Variants in RALGAPA2 observed in about 807,000 individuals in gnomAD.
The protein encoded by RALGAPA2 is Ral GTPase activating protein catalytic subunit alpha 2.
In RALGAPA2, 139 loss-of-function variants were observed where a neutral mutation model predicts 230.4. The observed-to-expected ratio is 0.60, with a 90% CI of 0.53 to 0.69. RALGAPA2 has a LOEUF of 0.69. Ranked by LOEUF, RALGAPA2 falls within the 30% of genes least tolerant of loss-of-function variation. The pLI is 0.00. For missense variants in RALGAPA2, 2,163 were observed against 2,276.0 expected (o/e 0.95, Z 1.01); for synonymous variants, 847 against 837.8 (o/e 1.01, Z -0.19).
chr20:20,405,415 G>A (rs1472720666), intron 38 of RALGAPA2, among the ~76,000 whole-genome samples: 1 of 152,180 alleles, frequency 6.6e-6, no homozygotes, highest in Non-Finnish European at 1.5e-5. Flanking sequence ...GTTGCCTGAA[G>A]TGCCCTGCAC....
chr20:20,621,878 T>C (rs753916716), intron 10 of RALGAPA2, among the ~76,000 whole-genome samples: 4 of 152,232 alleles, frequency 2.6e-5, no homozygotes, highest in Non-Finnish European at 4.4e-5. Flanking sequence ...ACCAGAGGTA[T>C]TCTTCCAAGG....
At chr20:20,558,048 A>G (rs527302482) in intron 23 of RALGAPA2, among the ~76,000 whole-genome samples, 1 of 152,190 alleles carries the variant, frequency 6.6e-6, no homozygotes, top group East Asian at 1.9e-4. Flanking sequence ...CTTGTTGCCC[A>G]GGCTGGAGTG....
At chr20:20,561,423 C>G (rs1048514506) in intron 23 of RALGAPA2, among the ~76,000 whole-genome samples, 2 of 152,352 alleles carry the variant, frequency 1.3e-5, no homozygotes, top group East Asian at 1.9e-4. Context: ...TTCATACATA[C>G]AGTGCCTTGG....
At chr20:20,472,010 T>G (rs2061552516) in intron 37 of RALGAPA2, 1 of 152,186 alleles carries the variant, frequency 6.6e-6, no homozygotes, top group African/African-American at 2.4e-5. Flanking sequence ...TTCAAATTAT[T>G]ATCAATACCA....
At chr20:20,425,422 G>C (rs142495718) in intron 37 of RALGAPA2, among the ~76,000 whole-genome samples, 2 of 152,056 alleles carry the variant, frequency 1.3e-5, no homozygotes, top group East Asian at 3.8e-4. Flanking sequence ...TCTTCTGTGC[G>C]TTTTAAAATA....
In RALGAPA2 at chr20:20,642,818, T is replaced by C. The variant is rs7269932; in HGVS notation, c.372+688A>G. Among the ~76,000 whole-genome samples the C allele has an allele frequency of 5.3e-3, 812 of 152,322 alleles. 6 individuals carry two copies. The highest frequency in any genetic ancestry group is 0.019 in the African/African-American group (774 of 41,564). On this transcript the variant is annotated intron_variant, in intron 5 of 39. Coordinates refer to ENST00000202677, the MANE Select transcript of RALGAPA2 (RefSeq NM_020343.4). ...GAGGCTGTGATTGTTTAAGCCAATG[T>C]AAACCAACCAATATATTAGCTTATT...
chr20:20,508,633 A>G (rs2062606811), intron 33 of RALGAPA2, among the ~76,000 whole-genome samples: 1 of 152,214 alleles, frequency 6.6e-6, no homozygotes, highest in Admixed American at 6.5e-5. Context: ...ATACATCAAG[A>G]GCAGTGAGAT....
rs543865440 is a variant in RALGAPA2, at chr20:20,549,733, C to T, written c.3157-2901G>A. Among the ~76,000 whole-genome samples the T allele has an allele frequency of 3.9e-5, 6 of 152,288 alleles. No individual in the cohort carries two copies. The South Asian group carries it at 1.2e-3, about 32-fold the overall frequency. ...AATAGTGGGACATCCACAAAATGCC[C>T]CACTCATTTCTAACTCAGTAGAATC... On this transcript the variant is annotated intron_variant, in intron 23 of 39. Transcript: ENST00000202677.
intron 24 of RALGAPA2, among the ~76,000 whole-genome samples, chr20:20,538,569 A>C (rs2063558704): frequency 1.3e-5 from 2 of 152,352 alleles, no homozygotes; most frequent in South Asian, 4.1e-4. Flanking sequence ...GTACACTGTG[A>C]ATTTCCAAGT....
rs558381715 is a variant in RALGAPA2, at chr20:20,537,420, G to T, written c.3286-636C>A. On this transcript the variant is annotated intron_variant, in intron 24 of 39. Coordinates refer to ENST00000202677, the MANE Select transcript of RALGAPA2 (RefSeq NM_020343.4). ...GGATCACCTGAAGTCAGGAGTTCGA[G>T]ACCAGCCTGGCCAACATGGTGAAAC... 6.0e-4 allele frequency among the ~76,000 whole-genome samples: 91 copies of T among 152,128 alleles called. 1 individual carries two copies. Among genetic ancestry groups the T allele is most frequent in the African/African-American group, 2.0e-3 (85 of 41,486 alleles).
intron 36 of RALGAPA2, among the ~76,000 whole-genome samples, chr20:20,474,042 G>A: frequency 6.6e-6 from 1 of 152,160 alleles, no homozygotes; most frequent in East Asian, 1.9e-4. Flanking sequence ...ATGACAGGCA[G>A]GAAAAGTGCT....
intron 1 of RALGAPA2, among the ~76,000 whole-genome samples, chr20:20,705,380 AT>A (rs11476695): frequency 0.082 from 12,301 of 150,774 alleles, 716 homozygotes; most frequent in East Asian, 0.17. Context: ...TAATTTCTTC[AT>A]TTTTTTTGTA....
chr20:20,481,462 T>A (rs1003854659), intron 36 of RALGAPA2, among the ~76,000 whole-genome samples: 1 of 152,188 alleles, frequency 6.6e-6, no homozygotes, highest in Non-Finnish European at 1.5e-5. Flanking sequence ...ATGAAGAATG[T>A]GCGTGGCTTA....
At chr20:20,395,115 G>A (rs1434320396) in intron 39 of RALGAPA2, among the ~76,000 whole-genome samples, 1 of 152,212 alleles carries the variant, frequency 6.6e-6, no homozygotes, top group Non-Finnish European at 1.5e-5. Context: ...CTGGAGAACA[G>A]CAGGAAGCTC....
chr20:20,690,749 G>C (rs1568759088), intron 1 of RALGAPA2, among the ~76,000 whole-genome samples: 1 of 151,856 alleles, frequency 6.6e-6, no homozygotes, highest in Non-Finnish European at 1.5e-5. Flanking sequence ...GGCCTAAGAT[G>C]AGATAGGTGG....
At position 20,508,045 on chromosome 20, in the gene RALGAPA2, T is replaced by C. The variant is rs2062586238; in HGVS notation, c.4929-2511A>G. Reference sequence around the variant, plus strand: ...TCCTTAAAAATCTAAGCTGTTTCCATTGCAGCTGTTCCTAAGTCCTTGAGC... The same window carrying C: ...TCCTTAAAAATCTAAGCTGTTTCCACTGCAGCTGTTCCTAAGTCCTTGAGC... On this transcript the variant is annotated intron_variant, in intron 33 of 39. Coordinates refer to ENST00000202677, the MANE Select transcript of RALGAPA2 (RefSeq NM_020343.4). Among the ~76,000 whole-genome samples the C allele has an allele frequency of 1.3e-5, 2 of 152,244 alleles. 1 individual carries two copies. Among genetic ancestry groups the C allele is most frequent in the South Asian group, 4.1e-4 (2 of 4,830 alleles).
chr20:20,536,529 A>C, intron 25 of RALGAPA2, 127 bp downstream of exon 25: 3 of 1,088,604 alleles, frequency 2.8e-6, no homozygotes, highest in Non-Finnish European at 3.8e-6. Context: ...ACAACTACTG[A>C]AACATTTAAA....
At chr20:20,656,788 A>G (rs1330744207) in intron 3 of RALGAPA2, among the ~76,000 whole-genome samples, 1 of 152,200 alleles carries the variant, frequency 6.6e-6, no homozygotes, top group Non-Finnish European at 1.5e-5. Flanking sequence ...GCTGGTTTAC[A>G]ACCTACAGGA....
At chr20:20,647,294 C>T (rs990674933) in intron 4 of RALGAPA2, among the ~76,000 whole-genome samples, 2 of 152,144 alleles carry the variant, frequency 1.3e-5, no homozygotes, top group African/African-American at 4.8e-5. Flanking sequence ...ACACACAATG[C>T]AGTACACCAT....
Sources: gnomAD v4.1 joint callset for allele counts (sites outside exome capture counted in the v4.1 genomes callset) on GRCh38, gnomAD v4.1.1 for gene constraint, MANE v1.5 for transcripts, NCBI Gene and HGNC (gene_info 2026-07-23, HGNC 2026-07-21) for gene names.